Variants in RANBP2 observed in about 807,000 individuals in gnomAD.
The protein encoded by RANBP2 is E3 SUMO-protein ligase RanBP2.
RANBP2 carries 57 observed loss-of-function variants against 303.6 expected under a neutral mutation model. That is an observed-to-expected ratio of 0.19 (90% CI 0.15 to 0.23). The LOEUF (loss-of-function observed/expected upper bound fraction) is 0.23, where lower values mean the gene tolerates loss of function less well. RANBP2 is among the 10% of genes least tolerant of loss of function. RANBP2 has a pLI of 1.00. For synonymous variants in RANBP2, 1,167 were observed against 1,301.5 expected (o/e 0.90, Z 2.23); for missense variants, 3,138 against 3,780.8 (o/e 0.83, Z 4.46).
At chr2:108,970,284 C>T in the RANBP2 span, among the ~76,000 whole-genome samples, 1 of 152,102 alleles carries the variant, frequency 6.6e-6, no homozygotes, top group African/African-American at 2.4e-5. Context: ...CTTTACGACA[C>T]CAGGAGACAT....
the RANBP2 span, among the ~76,000 whole-genome samples, chr2:108,860,912 C>T: frequency 7.6e-6 from 1 of 131,802 alleles, no homozygotes; most frequent in Non-Finnish European, 1.6e-5. Flanking sequence ...TAGAATTTGG[C>T]TGTGAATCCA....
At chr2:109,282,343 A>G in the RANBP2 span, among the ~76,000 whole-genome samples, 1 of 152,188 alleles carries the variant, frequency 6.6e-6, no homozygotes, top group Non-Finnish European at 1.5e-5. Flanking sequence ...CTTAACCAAA[A>G]AAATCTACCC....
chr2:108,978,485 T>C, the RANBP2 span, among the ~76,000 whole-genome samples: 32 of 152,330 alleles, frequency 2.1e-4, no homozygotes, highest in African/African-American at 7.2e-4. Flanking sequence ...GCAACGTATT[T>C]CTAGAGGGTA....
chr2:109,024,861 A>C, the RANBP2 span, among the ~76,000 whole-genome samples: 1 of 152,336 alleles, frequency 6.6e-6, no homozygotes, highest in East Asian at 1.9e-4. Context: ...CAAAAACTAT[A>C]TATATAGCAT....
At chr2:109,377,880 C>T in the RANBP2 span, among the ~76,000 whole-genome samples, 2 of 152,224 alleles carry the variant, frequency 1.3e-5, no homozygotes, top group Admixed American at 1.3e-4. Flanking sequence ...CTTAAGTATG[C>T]TCTTGAGACG....
At chr2:108,824,918 G>GT in the RANBP2 span, among the ~76,000 whole-genome samples, 4 of 152,146 alleles carry the variant, frequency 2.6e-5, no homozygotes, top group African/African-American at 9.7e-5. Flanking sequence ...TGACCGAAAT[G>GT]TTATGCAGTG....
At chr2:109,418,860 A>C in the RANBP2 span, among the ~76,000 whole-genome samples, 1 of 152,150 alleles carries the variant, frequency 6.6e-6, no homozygotes, top group Non-Finnish European at 1.5e-5. Flanking sequence ...GCTGCCCTGC[A>C]TGGGCTGGGA....
the RANBP2 span, among the ~76,000 whole-genome samples, chr2:109,079,755 T>C: frequency 1.2e-3 from 189 of 152,216 alleles, 1 homozygote; most frequent in African/African-American, 4.3e-3. Context: ...CAGCTCAGCC[T>C]GGGTTGGGGA....
chr2:109,704,033 G>C, the RANBP2 span, among the ~76,000 whole-genome samples: 1 of 152,280 alleles, frequency 6.6e-6, no homozygotes, highest in East Asian at 1.9e-4. Context: ...CCTAGGCTGA[G>C]GGTGGTGGGT....
chr2:108,936,707 G>A, the RANBP2 span, among the ~76,000 whole-genome samples: 1 of 152,182 alleles, frequency 6.6e-6, no homozygotes, highest in Non-Finnish European at 1.5e-5. Flanking sequence ...ACTTCCATTT[G>A]ATGTGATTTA....
chr2:109,057,684 A>G, the RANBP2 span, among the ~76,000 whole-genome samples: 5 of 152,180 alleles, frequency 3.3e-5, no homozygotes, highest in Non-Finnish European at 1.5e-5. Context: ...TTCTAAGTAG[A>G]ATGCATCTGA....
At chr2:109,709,306 CAAAAATAAAA>C in the RANBP2 span, among the ~76,000 whole-genome samples, 12 of 42,384 alleles carry the variant, frequency 2.8e-4, no homozygotes, top group African/African-American at 6.2e-4. Flanking sequence ...AACTGTGTCT[CAAAAATAAAA>C]TAAAATAAAA....
At chr2:109,162,246 A>G in the RANBP2 span, among the ~76,000 whole-genome samples, 1 of 152,182 alleles carries the variant, frequency 6.6e-6, no homozygotes, top group African/African-American at 2.4e-5. Context: ...ACTGAAGACA[A>G]GTGGTGGTGG....
At chr2:109,012,922 A>T in the RANBP2 span, among the ~76,000 whole-genome samples, 9 of 152,336 alleles carry the variant, frequency 5.9e-5, no homozygotes, top group East Asian at 1.7e-3. Context: ...TCAGAAAACA[A>T]CAACAACAAA....
chr2:109,427,344 A>G, the RANBP2 span, among the ~76,000 whole-genome samples: 15 of 152,254 alleles, frequency 9.9e-5, no homozygotes, highest in South Asian at 6.2e-4. Flanking sequence ...ACGCTACTGT[A>G]TAGTATAAAT....
At chr2:108,929,519 T>C in the RANBP2 span, 2 of 900,964 alleles carry the variant, frequency 2.2e-6, no homozygotes, top group Admixed American at 4.0e-5. Context: ...TGAGTTGTCC[T>C]AACTGCAAAA....
chr2:109,622,651 G>T, the RANBP2 span, among the ~76,000 whole-genome samples: 8 of 152,190 alleles, frequency 5.3e-5, no homozygotes, highest in African/African-American at 1.9e-4. Flanking sequence ...CTTTGTTTAG[G>T]CTCACCTCCC....
chr2:109,348,613 C>G, the RANBP2 span, among the ~76,000 whole-genome samples: 1 of 152,194 alleles, frequency 6.6e-6, no homozygotes, highest in Non-Finnish European at 1.5e-5. Flanking sequence ...CCAATAAGCT[C>G]ACACTTGGTC....
chr2:109,481,997 G>A, the RANBP2 span, among the ~76,000 whole-genome samples: 1 of 152,308 alleles, frequency 6.6e-6, no homozygotes, highest in East Asian at 1.9e-4. Context: ...TGCATTCTAG[G>A]GATGCCTTCC....
Sources: allele counts gnomAD v4.1 joint callset (sites outside exome capture counted in the v4.1 genomes callset), GRCh38; gene constraint gnomAD v4.1.1; transcripts MANE v1.5; gene names NCBI Gene and HGNC (gene_info 2026-07-23, HGNC 2026-07-21).